The following METTL1 variants were observed in gnomAD, a reference collection of about 807,000 sequenced individuals.
The protein encoded by METTL1 is methyltransferase 1, tRNA methylguanosine.
In METTL1, 14 loss-of-function variants were observed where a neutral mutation model predicts 27.7. The ratio of observed to expected loss-of-function variants is 0.51; its 90% CI spans 0.33 to 0.79. METTL1 has a LOEUF of 0.79. METTL1 is among the 30% of genes least tolerant of loss of function. The pLI, the probability that METTL1 is intolerant of heterozygous loss-of-function variation, is 0.02. For synonymous variants in METTL1, 138 were observed against 137.0 expected, an observed-to-expected ratio of 1.01 and a Z score of -0.05; for missense variants, 333 against 359.6, an observed-to-expected ratio of 0.93 and a Z score of 0.60.
At chr12:57,771,320 G>A (rs1380701589) in intron 1 of METTL1, 63 bp from the exon 2 acceptor site, 8 of 1,224,192 alleles carry the variant, frequency 6.5e-6, no homozygotes, top group Non-Finnish European at 8.1e-6. Flanking sequence ...AAGTGGTACT[G>A]TGAGAGTGTG....
chr12:57,769,769 C>A lies in METTL1; in HGVS notation c.459+3G>T, dbSNP rs747664728. 25 of 1,614,146 alleles carry A rather than the reference C, an allele frequency of 1.5e-5. No homozygotes were observed. The highest frequency in any genetic ancestry group is 1.7e-4 in the Middle Eastern group (1 of 6,060). On this transcript the variant is annotated splice_donor_region_variant and intron_variant, in intron 3 of 5. Coordinates refer to ENST00000324871, the MANE Select transcript of METTL1 (RefSeq NM_005371.6). ...AGCCTAACCCACCAGGGCCCCTCCC[C>A]ACCTGGCCCTTGTAGAAGAAGTTAG... is the stretch of plus-strand genomic sequence containing the variant.
chr12:57,771,331 T>TGG, intron 1 of METTL1, 74 bp from the exon 2 acceptor site: 2 of 906,742 alleles, frequency 2.2e-6, no homozygotes, highest in Non-Finnish European at 3.3e-6. Flanking sequence ...TGAGAGTGTG[T>TGG]GGGTGGGTGA....
chr12:57,771,333 G>T, intron 1 of METTL1, 76 bp from the exon 2 acceptor site: 1 of 1,491,888 alleles, frequency 6.7e-7, no homozygotes, highest in Non-Finnish European at 9.1e-7. Context: ...AGAGTGTGTG[G>T]GTGGGTGAGG....
Position 57,768,964 on chromosome 12 carries a change from G to T in METTL1, c.*32C>A. On this transcript the variant is annotated 3_prime_UTR_variant, in exon 6 of 6. Coordinates refer to ENST00000324871, the MANE Select transcript of METTL1 (RefSeq NM_005371.6). Reference sequence around the variant, plus strand: ...TCCTGCTCTTTTCTCTAATCCCTGGGAGACGAGGTCCAGCTAAGGTAGAGT... The same window carrying T: ...TCCTGCTCTTTTCTCTAATCCCTGGTAGACGAGGTCCAGCTAAGGTAGAGT... The T allele has an allele frequency of 6.3e-7, 1 of 1,585,132 alleles. No individual in the cohort carries two copies. The highest frequency in any genetic ancestry group is 2.3e-5 in the East Asian group (1 of 44,082).
intron 2 of METTL1, 184 bp downstream of exon 2, chr12:57,770,910 C>T: frequency 1.7e-6 from 1 of 600,726 alleles, no homozygotes. Flanking sequence ...TTGAGGCAGC[C>T]CCCTCCACTC....
chr12:57,771,499 G>A lies in METTL1; in HGVS notation c.111-242C>T, dbSNP rs117095012. On this transcript the variant is annotated intron_variant, in intron 1 of 5. Transcript: ENST00000324871. ...GCTGACCTGCCCAACTCCACTTCTG[G>A]CGGTTGATGTGACCCTGGCCGGGTA... is the stretch of plus-strand genomic sequence containing the variant. 8,294 of 1,519,752 alleles carry A rather than the reference G, an allele frequency of 5.5e-3. 33 individuals are homozygous for A. Among genetic ancestry groups the A allele is most frequent in the Non-Finnish European group, 6.5e-3 (7,366 of 1,138,996 alleles). 94.1% of individuals were successfully genotyped at this position (1,519,752 alleles called of 1,614,324 possible). A position where few individuals can be genotyped will look rare whatever the true frequency, so the allele number is the denominator to read the frequency against.
chr12:57,771,090 T>C lies in METTL1; in HGVS notation c.274+4A>G. 1.2e-6 allele frequency: 2 copies of C among 1,612,770 alleles called. No homozygotes were observed. The highest frequency in any genetic ancestry group is 2.2e-5 in the East Asian group (1 of 44,888). On this transcript the variant is annotated splice_donor_region_variant and intron_variant, in intron 2 of 5. Transcript: ENST00000324871. The stretch of plus-strand genomic sequence containing the variant: ...TCACCCCAAAAAGAGGGCCTGAGTG[T>C]TACCTAACAGGCCACCATAGCCACA...
intron 4 of METTL1, 54 bp downstream of exon 4, chr12:57,769,511 T>C (rs1955401493): frequency 2.6e-6 from 4 of 1,565,934 alleles, no homozygotes; most frequent in Non-Finnish European, 1.7e-6. Context: ...GAATTCTTAG[T>C]GAAGGGCCCC....
rs959030264 is a variant in METTL1 at position 57,771,364 on chromosome 12, G to A, written c.111-107C>T. The A allele has an allele frequency of 1.2e-5, 18 of 1,486,778 alleles. No homozygotes were observed. In the African/African-American group the frequency reaches 2.2e-4, roughly 19 times the overall value. The allele number at this position is 1,486,778 out of a possible 1,614,324, so 92.1% of individuals were successfully genotyped here. A position where few individuals can be genotyped will look rare whatever the true frequency, so the allele number is the denominator to read the frequency against. On this transcript the variant is annotated intron_variant, in intron 1 of 5. Transcript: ENST00000324871. ...TGAGGGTGGGAGGTAAAAGGGAGGA[G>A]GGTTTCTCAAAAATTCTGTAACACT...
chr12:57,772,035 G>C lies in METTL1; in HGVS notation c.49C>G (p.Gln17Glu). The C allele has an allele frequency of 6.4e-7, 1 of 1,554,172 alleles. No homozygotes were observed. The highest frequency in any genetic ancestry group is 8.6e-7 in the Non-Finnish European group (1 of 1,159,456). The change falls in exon 1 of 6, where the codon CAG becomes GAG. Residue 17 changes from glutamine to glutamate, a missense_variant. Coordinates refer to ENST00000324871, the MANE Select transcript of METTL1 (RefSeq NM_005371.6). This position sits in a 1 kb window ranked among gnomAD's most constrained non-coding sequence, Gnocchi z 4.1. ...NVAGAEAPPP[Q>E]KRYYRQRAHS... Reference sequence around the variant, plus strand: ...GCACGTTGCCGGTAGTAGCGCTTCTGGGGCGGTGGGGCCTCTGCTCCGGCC... The same window carrying C: ...GCACGTTGCCGGTAGTAGCGCTTCTCGGGCGGTGGGGCCTCTGCTCCGGCC...
intron 2 of METTL1, 39 bp from the exon 3 acceptor site, chr12:57,769,995 C>A: frequency 6.4e-7 from 1 of 1,555,470 alleles, no homozygotes; most frequent in Non-Finnish European, 8.7e-7. Context: ...CAACCATATA[C>A]TTGTAGGAAG....
chr12:57,770,942 C>T, intron 2 of METTL1, 152 bp downstream of exon 2: 2 of 798,320 alleles, frequency 2.5e-6, no homozygotes, highest in Non-Finnish European at 3.9e-6. Context: ...GGTCACAGAC[C>T]CAGAGTAGAG....
chr12:57,771,338 G>A, intron 1 of METTL1, 81 bp from the exon 2 acceptor site: 1 of 1,235,112 alleles, frequency 8.1e-7, no homozygotes. Context: ...GTGTGGGTGG[G>A]TGAGGGTGGG....
chr12:57,770,255 A>T (rs1955413854), intron 2 of METTL1, among the ~76,000 whole-genome samples: 1 of 152,240 alleles, frequency 6.6e-6, no homozygotes, highest in Non-Finnish European at 1.5e-5. Flanking sequence ...GTAAATTGTG[A>T]AGATAAGGAA....
Position 57,771,991 on chromosome 12 carries a change from C to A in METTL1, c.93G>T (p.Ala31=), listed in dbSNP as rs372523683. The change falls in exon 1 of 6, where the codon GCG becomes GCT. Residue 31 remains alanine (A), a synonymous_variant. Coordinates refer to ENST00000324871, the MANE Select transcript of METTL1 (RefSeq NM_005371.6). ...YRQRAHSNPM[A]DHTLRYPVKP... ...CTCCTCACTAGCGCAGCGTGTGGTC[C>A]GCCATGGGGTTGGAGTGAGCACGTT... The A allele has an allele frequency of 3.3e-6, 5 of 1,528,960 alleles. No individual in the cohort carries two copies. The African/African-American group carries it at 5.7e-5, about 18-fold the overall frequency. 94.7% of individuals were successfully genotyped at this position (1,528,960 alleles called of 1,614,324 possible).
intron 1 of METTL1, 152 bp downstream of exon 1, chr12:57,771,822 G>T: frequency 1.8e-6 from 2 of 1,131,566 alleles, no homozygotes; most frequent in Non-Finnish European, 2.4e-6. Flanking sequence ...TCCTCTCTCG[G>T]TCGAATCTCC....
intron 4 of METTL1, 40 bp from the exon 5 acceptor site, chr12:57,769,444 A>G: frequency 6.2e-7 from 1 of 1,603,172 alleles, no homozygotes; most frequent in South Asian, 1.1e-5. Flanking sequence ...GGCTGCATGC[A>G]ACGTCAGCAG....
chr12:57,771,609 C>T (rs1955432795), intron 1 of METTL1: 10 of 1,534,926 alleles, frequency 6.5e-6, no homozygotes, highest in South Asian at 1.2e-5. Context: ...TTGTGCTCTG[C>T]GGGGAGGGAA....
Position 57,771,122 on chromosome 12 carries a change from G to A in METTL1, c.246C>T (p.Asp82=). ...ACAGGCCACCATAGCCACAGCCTAT[G>A]TCTGCAAACTCCACTTGGGCCTGAG... ...KRAQAQVEFA[D]IGCGYGGLLV... Residue 82 remains aspartate (D), a synonymous_variant, in exon 2 of 6, where the codon GAC becomes GAT. Transcript: ENST00000324871. 1.2e-6 allele frequency: 2 copies of A among 1,614,048 alleles called. No homozygotes were observed. The highest frequency in any genetic ancestry group is 4.5e-5 in the East Asian group (2 of 44,890).
Sources: allele counts gnomAD v4.1 joint callset (sites outside exome capture counted in the v4.1 genomes callset), GRCh38; gene constraint gnomAD v4.1.1; non-coding constraint Gnocchi (gnomAD v3.1); transcripts MANE v1.5; gene names NCBI Gene and HGNC (gene_info 2026-07-23, HGNC 2026-07-21).